The following DNAH14 variants were observed in gnomAD, a reference collection of about 807,000 sequenced individuals.
DNAH14 encodes the protein axonemal beta dynein heavy chain 14.
In DNAH14, 478 loss-of-function variants were observed where a neutral mutation model predicts 520.9. That is an observed-to-expected ratio of 0.92 (90% CI 0.85 to 0.99). The LOEUF (loss-of-function observed/expected upper bound fraction) is 0.99. Among genes scored for constraint, DNAH14 ranks in the 50% least tolerant of loss-of-function variants. The pLI is 0.00. For missense variants in DNAH14, 4,831 were observed against 5,234.5 expected (o/e 0.92, Z 2.38); for synonymous variants, 1,581 against 1,757.2 (o/e 0.90, Z 2.51).
chr1:225,096,732 T>A (rs954282729), intron 21 of DNAH14, among the ~76,000 whole-genome samples: 1 of 152,332 alleles, frequency 6.6e-6, no homozygotes, highest in African/African-American at 2.4e-5. Flanking sequence ...TGCATCTATA[T>A]GTGAAATTAT....
At chr1:225,137,009 T>C (rs968270293) in intron 27 of DNAH14, among the ~76,000 whole-genome samples, 2 of 152,216 alleles carry the variant, frequency 1.3e-5, no homozygotes, top group Non-Finnish European at 2.9e-5. Context: ...AGGTCAGTTA[T>C]GTTCCTCTCT....
chr1:224,958,350 C>T (rs1236832420), intron 3 of DNAH14, among the ~76,000 whole-genome samples: 2 of 152,050 alleles, frequency 1.3e-5, no homozygotes, highest in Non-Finnish European at 2.9e-5. Flanking sequence ...GGTTACCAAT[C>T]CACGTAGGGC....
chr1:225,116,230 G>A (rs1336332367), intron 23 of DNAH14, among the ~76,000 whole-genome samples: 2 of 152,158 alleles, frequency 1.3e-5, no homozygotes, highest in African/African-American at 4.8e-5. Context: ...AGGGTGAAGG[G>A]CCTTGAATAT....
intron 69 of DNAH14, among the ~76,000 whole-genome samples, chr1:225,345,665 C>T (rs953023655): frequency 4.6e-5 from 7 of 151,874 alleles, no homozygotes; most frequent in African/African-American, 1.7e-4. Context: ...TAAATGTATT[C>T]CTTATCATGG....
intron 80 of DNAH14, 51 bp from the exon 81 acceptor site, chr1:225,381,330 AGC>A: frequency 6.7e-7 from 1 of 1,490,880 alleles, no homozygotes; most frequent in Non-Finnish European, 9.0e-7. Context: ...CTCCATGTAA[AGC>A]CTCTTTTTAA....
At chr1:225,317,592 T>C (rs1425988390) in intron 60 of DNAH14, among the ~76,000 whole-genome samples, 4 of 152,228 alleles carry the variant, frequency 2.6e-5, no homozygotes, top group Middle Eastern at 3.4e-3. Flanking sequence ...GGAATTCTGA[T>C]GAATTTGATT....
chr1:224,985,580 C>T (rs1006732211), intron 8 of DNAH14, among the ~76,000 whole-genome samples: 3 of 152,002 alleles, frequency 2.0e-5, no homozygotes, highest in Non-Finnish European at 4.4e-5. Context: ...TTACTCGTAA[C>T]CAGATACCAC....
At chr1:225,299,339 T>C (rs1241491067) in intron 55 of DNAH14, among the ~76,000 whole-genome samples, 1 of 152,244 alleles carries the variant, frequency 6.6e-6, no homozygotes, top group Non-Finnish European at 1.5e-5. Context: ...TATATAGTTA[T>C]TGAGTATTGT....
intron 78 of DNAH14, among the ~76,000 whole-genome samples, chr1:225,376,313 G>C (rs1457215199): frequency 6.6e-6 from 1 of 152,074 alleles, no homozygotes; most frequent in Non-Finnish European, 1.5e-5. Flanking sequence ...TGTAGTCCTA[G>C]CTACATGGGA....
intron 77 of DNAH14, among the ~76,000 whole-genome samples, chr1:225,374,300 C>G (rs1334919556): frequency 7.0e-6 from 1 of 142,278 alleles, no homozygotes; most frequent in South Asian, 2.3e-4. Context: ...CTCACTCTGT[C>G]GCCCAGGCTG....
At chr1:225,074,030 C>T (rs57262741) in intron 17 of DNAH14, among the ~76,000 whole-genome samples, 4,671 of 115,412 alleles carry the variant, frequency 0.04, 298 homozygotes, top group African/African-American at 0.14. Flanking sequence ...GACGGAGTCT[C>T]GCTCTGTCGC....
At chr1:225,054,472 A>T (rs968755818) in intron 17 of DNAH14, among the ~76,000 whole-genome samples, 11 of 152,308 alleles carry the variant, frequency 7.2e-5, no homozygotes, top group African/African-American at 2.6e-4. Context: ...TTTCATTATA[A>T]TACTGTCTAT....
At chr1:225,313,236 G>A (rs1171221393) in intron 60 of DNAH14, among the ~76,000 whole-genome samples, 1 of 152,186 alleles carries the variant, frequency 6.6e-6, no homozygotes, top group African/African-American at 2.4e-5. Context: ...TTGTGTAGAG[G>A]TGTTTATAGT....
At chr1:225,077,633 A>C (rs2072463543) in intron 17 of DNAH14, among the ~76,000 whole-genome samples, 1 of 152,188 alleles carries the variant, frequency 6.6e-6, no homozygotes, top group African/African-American at 2.4e-5. Flanking sequence ...ATTTTATTTG[A>C]TCTCCAAAGT....
At chr1:225,270,664 C>T in intron 49 of DNAH14, 71 bp from the exon 50 acceptor site, 3 of 1,305,578 alleles carry the variant, frequency 2.3e-6, no homozygotes, top group Non-Finnish European at 3.0e-6. Flanking sequence ...CAATTTGGGA[C>T]AGAGACGTAG....
chr1:225,056,360 C>T (rs186490572), intron 17 of DNAH14, among the ~76,000 whole-genome samples: 2,292 of 152,216 alleles, frequency 0.015, 24 homozygotes, highest in Non-Finnish European at 0.016. Flanking sequence ...TCATATCCTT[C>T]GCCCACTTTT....
intron 8 of DNAH14, among the ~76,000 whole-genome samples, chr1:224,975,166 A>G (rs939589035): frequency 6.6e-6 from 1 of 151,624 alleles, no homozygotes; most frequent in African/African-American, 2.4e-5. Flanking sequence ...ATGTTCATCA[A>G]GGATATTGGT....
At chr1:225,363,645 G>A (rs1035232716) in intron 75 of DNAH14, among the ~76,000 whole-genome samples, 3 of 152,166 alleles carry the variant, frequency 2.0e-5, no homozygotes, top group Admixed American at 1.3e-4. Context: ...CAGGGGATTG[G>A]TTCCAGGACC....
chr1:224,958,602 T>TA (rs1274836259), intron 3 of DNAH14, among the ~76,000 whole-genome samples: 1 of 152,032 alleles, frequency 6.6e-6, no homozygotes, highest in African/African-American at 2.4e-5. Flanking sequence ...CTGATGAGCT[T>TA]AAAAAATGGT....
Sources: gnomAD v4.1 joint callset for allele counts (sites outside exome capture counted in the v4.1 genomes callset) on GRCh38, gnomAD v4.1.1 for gene constraint, MANE v1.5 for transcripts, NCBI Gene and HGNC (gene_info 2026-07-23, HGNC 2026-07-21) for gene names.